DAB1: variants seen among roughly 807,000 people sequenced by gnomAD.
DAB1 encodes the protein DAB adaptor protein 1, also known as disabled homolog 1.
Under a neutral mutation model 64.6 loss-of-function variants are expected in DAB1, and 15 were observed. The ratio of observed to expected loss-of-function variants is 0.23; its 90% CI spans 0.16 to 0.36. The LOEUF is 0.36. Ranked by LOEUF, DAB1 falls within the 10% of genes least tolerant of loss-of-function variation. The pLI, the probability that DAB1 is intolerant of heterozygous loss-of-function variation, is 1.00. For synonymous variants in DAB1, 235 were observed against 251.9 expected, an observed-to-expected ratio of 0.93 and a Z score of 0.64; for missense variants, 596 against 706.7, an observed-to-expected ratio of 0.84 and a Z score of 1.78.
intron 6 of DAB1, among the ~76,000 whole-genome samples, chr1:57,730,899 C>A (rs1647382683): frequency 6.6e-6 from 1 of 152,150 alleles, no homozygotes; most frequent in Non-Finnish European, 1.5e-5. Context: ...GGTGCATCCT[C>A]TATGGAAAAT....
chr1:58,335,788 T>C lies in DAB1; in HGVS notation n.309+7564A>G, dbSNP rs557901174. Among the ~76,000 whole-genome samples the C allele has an allele frequency of 2.6e-5, 4 of 152,318 alleles. No homozygotes were observed. In the South Asian group the frequency reaches 6.2e-4, roughly 24 times the overall value. ...AGACAGAGGTCATGGATTACTCCTA[T>C]TCTGGCCTGAGTAACTGAATGAATT... On this transcript the variant is annotated intron_variant and non_coding_transcript_variant, in intron 4 of 20. Transcript: ENST00000485760.
At chr1:57,332,316 A>G (rs997173316) in intron 1 of DAB1, among the ~76,000 whole-genome samples, 1 of 152,090 alleles carries the variant, frequency 6.6e-6, no homozygotes, top group Non-Finnish European at 1.5e-5. Flanking sequence ...CAGGCCACTC[A>G]TTGAGGTCTC....
At chr1:58,060,207 C>G (rs1251802327) in intron 5 of DAB1, 1 of 152,172 alleles carries the variant, frequency 6.6e-6, no homozygotes, top group Non-Finnish European at 1.5e-5. Flanking sequence ...CTCTCATAGG[C>G]AGTAGGGGCT....
chr1:58,222,279 T>C (rs955676084), intron 4 of DAB1, among the ~76,000 whole-genome samples: 1 of 151,656 alleles, frequency 6.6e-6, no homozygotes, highest in Non-Finnish European at 1.5e-5. Context: ...ATATACATTT[T>C]GAAAAAAAAA....
chr1:57,905,913 G>T (rs1412541380), intron 5 of DAB1, among the ~76,000 whole-genome samples: 1 of 152,174 alleles, frequency 6.6e-6, no homozygotes, highest in African/African-American at 2.4e-5. Flanking sequence ...GGAATGCAGA[G>T]AATTCATTAC....
chr1:57,552,678 T>G (rs896183868), intron 7 of DAB1, among the ~76,000 whole-genome samples: 3 of 152,132 alleles, frequency 2.0e-5, no homozygotes, highest in Non-Finnish European at 4.4e-5. Context: ...AAGATACACT[T>G]TTAAGGAGCA....
Position 57,152,126 on chromosome 1 carries a change from T to C in DAB1, c.68-6697A>G, listed in dbSNP as rs376933640. ...ACCATGCCGGGTGTCTTTTCTAATCTTTAAAAGGGATCTCCTTAAGTGTGA... is the reference window on the plus strand; with the variant it reads ...ACCATGCCGGGTGTCTTTTCTAATCCTTAAAAGGGATCTCCTTAAGTGTGA... On this transcript the variant is annotated intron_variant, in intron 2 of 14. Transcript: ENST00000371236. 3.5e-4 allele frequency among the ~76,000 whole-genome samples: 54 copies of C among 152,286 alleles called. No individual in the cohort carries two copies. In the South Asian group the frequency reaches 0.011, roughly 30 times the overall value.
intron 5 of DAB1, among the ~76,000 whole-genome samples, chr1:58,029,246 A>G (rs773374924): frequency 5.9e-5 from 9 of 152,244 alleles, no homozygotes; most frequent in Admixed American, 1.3e-4. Context: ...GGCTAATTCA[A>G]TGCAGCCTCA....
intron 4 of DAB1, among the ~76,000 whole-genome samples, chr1:58,220,998 T>A (rs1424839989): frequency 1.3e-5 from 2 of 150,488 alleles, no homozygotes; most frequent in Non-Finnish European, 3.0e-5. Context: ...TTGATTTTTT[T>A]TTTTTTTTTT....
intron 5 of DAB1, among the ~76,000 whole-genome samples, chr1:58,018,327 T>C (rs1646771224): frequency 6.6e-6 from 1 of 152,162 alleles, no homozygotes; most frequent in Non-Finnish European, 1.5e-5. Context: ...AATCTCTGGA[T>C]TTAACCTGTC....
chr1:57,259,285 A>C (rs1467726639), intron 2 of DAB1, among the ~76,000 whole-genome samples: 1 of 152,166 alleles, frequency 6.6e-6, no homozygotes, highest in Non-Finnish European at 1.5e-5. Context: ...GAAGACTCAC[A>C]GTTGAGACCA....
intron 1 of DAB1, among the ~76,000 whole-genome samples, chr1:57,372,087 A>G (rs1158341502): frequency 6.6e-6 from 1 of 152,264 alleles, no homozygotes; most frequent in African/African-American, 2.4e-5. Flanking sequence ...CCTTTTTCTA[A>G]GAAAAAGTCT....
At position 57,014,917 on chromosome 1, in the gene DAB1, G is replaced by A; in HGVS notation, c.1410C>T (p.Thr470=). Residue 470 remains threonine, a synonymous_variant, in exon 12 of 15, where the codon ACC becomes ACT. Coordinates refer to ENST00000371236, the MANE Select transcript of DAB1 (RefSeq NM_001365792.1). The part of the protein sequence containing the change: ...DDFDISQLNL[T]PVTSTTPSTN... The stretch of plus-strand genomic sequence containing the variant: ...TCGATGGTGTGGTAGAAGTCACAGG[G>A]GTCAAATTCAACTGGGAGATGTCAA... 6.3e-7 allele frequency: 1 copy of A among 1,598,530 alleles called. No individual in the cohort carries two copies. Among genetic ancestry groups the A allele is most frequent in the South Asian group, 1.1e-5 (1 of 87,874 alleles).
intron 14 of DAB1, among the ~76,000 whole-genome samples, chr1:57,001,724 G>A (rs931550478): frequency 2.0e-5 from 3 of 152,112 alleles, no homozygotes; most frequent in Non-Finnish European, 2.9e-5. Context: ...ACCCTCACAT[G>A]CTGGAGTTTT....
intron 1 of DAB1, chr1:57,880,561 T>C (rs531248299): frequency 6.6e-6 from 1 of 152,292 alleles, no homozygotes; most frequent in South Asian, 2.1e-4. Context: ...AATGAATGTA[T>C]CCTTGTTCTC....
intron 7 of DAB1, among the ~76,000 whole-genome samples, chr1:57,571,906 T>C (rs1280418373): frequency 6.6e-6 from 1 of 152,190 alleles, no homozygotes; most frequent in Non-Finnish European, 1.5e-5. Flanking sequence ...AGCCTCTGCC[T>C]CTCTCATCCT....
intron 6 of DAB1, among the ~76,000 whole-genome samples, chr1:57,695,373 A>AAAGAAAG (rs1646823900): frequency 1.9e-5 from 1 of 53,794 alleles, no homozygotes; most frequent in African/African-American, 8.9e-5. Flanking sequence ...AGAAAGAAAG[A>AAAGAAAG]AAGAAAGAAA....
intron 5 of DAB1, among the ~76,000 whole-genome samples, chr1:58,062,923 A>T (rs1648593484): frequency 6.6e-6 from 1 of 152,246 alleles, no homozygotes; most frequent in Non-Finnish European, 1.5e-5. Context: ...AAGTCAGAGA[A>T]GGCCAGAGCC....
intron 7 of DAB1, among the ~76,000 whole-genome samples, chr1:57,628,995 T>C (rs1437006706): frequency 6.6e-6 from 1 of 152,226 alleles, no homozygotes; most frequent in Non-Finnish European, 1.5e-5. Context: ...GCCTATTTGA[T>C]CTCTCTTCAT....
Sources: allele counts gnomAD v4.1 joint callset (sites outside exome capture counted in the v4.1 genomes callset), GRCh38; gene constraint gnomAD v4.1.1; transcripts MANE v1.5; gene names NCBI Gene and HGNC (gene_info 2026-07-23, HGNC 2026-07-21).